Variants in NMRAL1 observed in about 807,000 individuals in gnomAD.
NMRAL1 encodes the protein NmrA like redox sensor 1, also known as nmrA-like family domain-containing protein 1.
Under a neutral mutation model 27.5 loss-of-function variants are expected in NMRAL1, and 32 were observed. The observed-to-expected ratio is 1.16, with a 90% confidence interval of 0.88 to 1.56. NMRAL1 has a LOEUF of 1.56. Ranked by LOEUF, NMRAL1 falls within the 40% of genes most tolerant of loss-of-function variation. The pLI, the probability that NMRAL1 is intolerant of heterozygous loss-of-function variation, is 0.00. For synonymous variants in NMRAL1, 166 were observed against 166.8 expected, an observed-to-expected ratio of 1.00 and a Z score of 0.04; for missense variants, 420 against 392.0, an observed-to-expected ratio of 1.07 and a Z score of -0.60.
chr16:4,468,107 T>A (rs949797567), intron 3 of NMRAL1, among the ~76,000 whole-genome samples: 9 of 146,786 alleles, frequency 6.1e-5, no homozygotes, highest in African/African-American at 2.0e-4. Context: ...AGAGACCAGC[T>A]TGACCAACAT....
intron 3 of NMRAL1, chr16:4,466,722 T>C (rs556187792): frequency 5.9e-6 from 2 of 337,148 alleles, no homozygotes; most frequent in Admixed American, 4.2e-5. Context: ...TCTGCTGGTG[T>C]GAGAACACCC....
At chr16:4,465,178 C>T (rs2057272790) in intron 4 of NMRAL1, among the ~76,000 whole-genome samples, 1 of 152,202 alleles carries the variant, frequency 6.6e-6, no homozygotes, top group Admixed American at 6.5e-5. Context: ...TCCCAAAGTG[C>T]TGGGATTACA....
At chr16:4,470,161 CAAAAAAA>C (rs34104543) in intron 2 of NMRAL1, among the ~76,000 whole-genome samples, 4 of 51,494 alleles carry the variant, frequency 7.8e-5, no homozygotes, top group Non-Finnish European at 1.9e-4. Context: ...GATTCCCTCT[CAAAAAAA>C]AAAAAAAAAA....
At chr16:4,468,615 CAAAAAAA>C (rs59245472) in intron 3 of NMRAL1, among the ~76,000 whole-genome samples, 11,679 of 128,206 alleles carry the variant, frequency 0.091, 782 homozygotes, top group African/African-American at 0.22. Context: ...GACTCAGTCT[CAAAAAAA>C]AAAAAAAAAA....
chr16:4,472,887 T>C (rs1225347981), intron 2 of NMRAL1, among the ~76,000 whole-genome samples: 1 of 151,548 alleles, frequency 6.6e-6, no homozygotes, highest in Admixed American at 6.6e-5. Context: ...GACAAATCCA[T>C]AGAAACCAAA....
At chr16:4,474,386 C>A (rs1249771314) in intron 1 of NMRAL1, 168 bp downstream of exon 1, 1 of 489,590 alleles carries the variant, frequency 2.0e-6, no homozygotes, top group East Asian at 3.5e-5. Context: ...GTTCCAGTCA[C>A]CCGCCCCCCG....
At chr16:4,473,937 A>T (rs2057707186) in intron 2 of NMRAL1, among the ~76,000 whole-genome samples, 156 bp downstream of exon 2, 1 of 151,940 alleles carries the variant, frequency 6.6e-6, no homozygotes, top group African/African-American at 2.4e-5. Context: ...AAAAAAAAAA[A>T]TTGGAAAGCA....
chr16:4,470,417 C>G (rs2057517233), intron 2 of NMRAL1, among the ~76,000 whole-genome samples: 1 of 152,062 alleles, frequency 6.6e-6, no homozygotes, highest in South Asian at 2.1e-4. Context: ...TTGCGGTGAG[C>G]CGAGATCGCG....
At chr16:4,475,219 C>G (rs1406463613), upstream of NMRAL1, among the ~76,000 whole-genome samples, 2 of 152,102 alleles carry the variant, frequency 1.3e-5, no homozygotes, top group Non-Finnish European at 2.9e-5. Flanking sequence ...TCCCAAAGTG[C>G]TGGGAGTACA....
chr16:4,468,947 TA>T (rs1248149651), intron 3 of NMRAL1, among the ~76,000 whole-genome samples: 3 of 149,878 alleles, frequency 2.0e-5, no homozygotes, highest in Non-Finnish European at 3.0e-5. Context: ...AATTACTTTT[TA>T]AAAAAAACTT....
chr16:4,466,077 C>T lies in NMRAL1; in HGVS notation c.529+76G>A, dbSNP rs3747583. On this transcript the variant is annotated intron_variant, in intron 4 of 5. Transcript: ENST00000283429. ...GCTTGAACCTGGCACCACGTGACAGCGGCCCGCGGTCTGTTACACCAACGG... is the reference window on the plus strand; with the variant it reads ...GCTTGAACCTGGCACCACGTGACAGTGGCCCGCGGTCTGTTACACCAACGG... 1.4e-4 allele frequency: 220 copies of T among 1,555,638 alleles called. 2 individuals are homozygous for T. The East Asian group carries it at 4.1e-3, about 29-fold the overall frequency.
At position 4,474,092 on chromosome 16, in the gene NMRAL1, C is replaced by T. The variant is rs763486631; in HGVS notation, c.40+1G>A. The T allele has an allele frequency of 2.5e-6, 4 of 1,611,844 alleles. 1 individual carries two copies. The East Asian group carries it at 8.9e-5, about 36-fold the overall frequency. On this transcript the variant is annotated splice_donor_variant, in intron 2 of 5. Coordinates refer to ENST00000283429, the MANE Select transcript of NMRAL1 (RefSeq NM_020677.6). LOFTEE classifies it high-confidence loss of function. ...GGGCCCCAGTCTGGGGTTTGGCTCA[C>T]CTGTGCCTCCGAAAACCACCACCAG...
chr16:4,472,910 C>A (rs1012685833), intron 2 of NMRAL1, among the ~76,000 whole-genome samples: 1 of 151,160 alleles, frequency 6.6e-6, no homozygotes, highest in Non-Finnish European at 1.5e-5. Flanking sequence ...TAGATTGGAG[C>A]TTTCTAGGGG....
intron 5 of NMRAL1, among the ~76,000 whole-genome samples, chr16:4,462,630 T>C (rs1219431729): frequency 6.6e-6 from 1 of 152,122 alleles, no homozygotes; most frequent in Admixed American, 6.6e-5. Flanking sequence ...TCCCAGCACT[T>C]TGGGAGGTGG....
intron 3 of NMRAL1, among the ~76,000 whole-genome samples, chr16:4,468,282 A>G (rs772211457): frequency 6.6e-6 from 1 of 152,056 alleles, no homozygotes; most frequent in Non-Finnish European, 1.5e-5. Context: ...AGCCTGGGCA[A>G]CAAAAGCGAA....
upstream of NMRAL1, chr16:4,476,286 C>G (rs1223531105): frequency 6.6e-6 from 1 of 152,322 alleles, no homozygotes; most frequent in Non-Finnish European, 1.5e-5. Flanking sequence ...TGGGGAAAGC[C>G]ACATACTCCG....
intron 2 of NMRAL1, among the ~76,000 whole-genome samples, chr16:4,470,749 C>T (rs1775060670): frequency 1.3e-5 from 2 of 151,822 alleles, no homozygotes; most frequent in Non-Finnish European, 2.9e-5. Context: ...AGATCGAGAC[C>T]ATCCTGGCTA....
intron 2 of NMRAL1, 151 bp downstream of exon 2, chr16:4,473,942 A>G: frequency 3.4e-6 from 2 of 586,136 alleles, no homozygotes; most frequent in South Asian, 4.2e-5. Context: ...AAAAAATTGG[A>G]AAGCAATTTG....
chr16:4,471,729 A>G (rs959483471), intron 2 of NMRAL1, among the ~76,000 whole-genome samples: 4 of 152,048 alleles, frequency 2.6e-5, no homozygotes, highest in African/African-American at 7.2e-5. Flanking sequence ...ATGCTTTAGT[A>G]TGGAAGGGCG....
Sources: gnomAD v4.1 joint callset for allele counts (sites outside exome capture counted in the v4.1 genomes callset) on GRCh38, gnomAD v4.1.1 for gene constraint, MANE v1.5 for transcripts, NCBI Gene and HGNC (gene_info 2026-07-23, HGNC 2026-07-21) for gene names.